Variants in SYT1 observed in about 807,000 individuals in gnomAD.
The protein encoded by SYT1 is synaptotagmin 1.
In SYT1, 8 loss-of-function variants were observed where a neutral mutation model predicts 44.8. The observed-to-expected ratio is 0.18, with a 90% CI of 0.10 to 0.32. The LOEUF is 0.32. SYT1 is among the 10% of genes least tolerant of loss of function. The pLI, the probability that SYT1 is intolerant of heterozygous loss-of-function variation, is 1.00. For missense variants in SYT1, 286 were observed against 509.3 expected, an observed-to-expected ratio of 0.56 and a Z score of 4.22; for synonymous variants, 154 against 188.8, an observed-to-expected ratio of 0.82 and a Z score of 1.51.
chr12:79,199,619 T>A (rs921175069), intron 3 of SYT1, among the ~76,000 whole-genome samples: 1 of 152,184 alleles, frequency 6.6e-6, no homozygotes, highest in Non-Finnish European at 1.5e-5. Flanking sequence ...CAAAGCCTGC[T>A]TCTGACACCA....
chr12:79,127,398 C>T (rs943871416), intron 3 of SYT1, among the ~76,000 whole-genome samples: 3 of 151,636 alleles, frequency 2.0e-5, no homozygotes, highest in Non-Finnish European at 3.0e-5. Context: ...GCAGTTCTTA[C>T]GAAACAGATT....
chr12:78,870,202 T>G (rs1873747402), intron 1 of SYT1, among the ~76,000 whole-genome samples: 1 of 152,082 alleles, frequency 6.6e-6, no homozygotes, highest in Non-Finnish European at 1.5e-5. Flanking sequence ...AGATACTAGC[T>G]TGCAACCATG....
chr12:79,178,995 G>GAT (rs1343168322), intron 3 of SYT1, among the ~76,000 whole-genome samples: 2 of 37,566 alleles, frequency 5.3e-5, no homozygotes, highest in Admixed American at 3.6e-4. Flanking sequence ...TATCTATATA[G>GAT]ATATAGATAT....
At chr12:78,957,473 T>C (rs1163446791) in intron 1 of SYT1, among the ~76,000 whole-genome samples, 2 of 152,190 alleles carry the variant, frequency 1.3e-5, no homozygotes, top group East Asian at 3.8e-4. Context: ...ATACTTACAT[T>C]ATTTCAACTA....
rs148491734 is a variant in SYT1, at chr12:79,345,113, C to T, written c.811-8389C>T. Among the ~76,000 whole-genome samples, 52 of 152,224 alleles carry T rather than the reference C, an allele frequency of 3.4e-4. No homozygotes were observed. In the East Asian group the frequency reaches 8.9e-3, roughly 26 times the overall value. ...CCTTCCTTATCTCAGCTCAGGTAAC[C>T]GCTCCTCCAGGACACCTATATGTCC... On this transcript the variant is annotated intron_variant, in intron 8 of 10. Coordinates refer to ENST00000261205, the MANE Select transcript of SYT1 (RefSeq NM_005639.3).
At chr12:78,973,060 A>G (rs892616583) in intron 1 of SYT1, among the ~76,000 whole-genome samples, 8 of 152,152 alleles carry the variant, frequency 5.3e-5, no homozygotes, top group Non-Finnish European at 1.2e-4. Flanking sequence ...GTTTTGCCCA[A>G]TCGGGTTTTA....
chr12:79,119,071 A>G (rs1879450885), intron 3 of SYT1, among the ~76,000 whole-genome samples: 1 of 151,962 alleles, frequency 6.6e-6, no homozygotes, highest in African/African-American at 2.4e-5. Flanking sequence ...CTTCTTCTCC[A>G]TTACCCCTAA....
At chr12:78,865,581 G>T (rs1873496707) in intron 1 of SYT1, among the ~76,000 whole-genome samples, 1 of 146,138 alleles carries the variant, frequency 6.8e-6, no homozygotes, top group Non-Finnish European at 1.5e-5. Context: ...GGGGGGGAAC[G>T]TAAACAAGAT....
At chr12:79,322,599 C>A (rs1188505750) in intron 8 of SYT1, among the ~76,000 whole-genome samples, 3 of 152,070 alleles carry the variant, frequency 2.0e-5, no homozygotes, top group Non-Finnish European at 2.9e-5. Flanking sequence ...GAACCCAGCC[C>A]CGTATTTCTG....
intron 3 of SYT1, among the ~76,000 whole-genome samples, chr12:79,188,637 A>C (rs1432058149): frequency 6.6e-6 from 1 of 152,112 alleles, no homozygotes; most frequent in East Asian, 1.9e-4. Context: ...TTCTAGCTTC[A>C]CATCTATTCA....
intron 3 of SYT1, among the ~76,000 whole-genome samples, chr12:79,198,208 G>A (rs1030920852): frequency 3.3e-5 from 5 of 151,996 alleles, no homozygotes; most frequent in Non-Finnish European, 5.9e-5. Context: ...ATTGTCTTTC[G>A]TGTTCTAATT....
chr12:79,088,561 C>T (rs1592737253), intron 3 of SYT1, among the ~76,000 whole-genome samples: 1 of 151,776 alleles, frequency 6.6e-6, no homozygotes, highest in African/African-American at 2.4e-5. Flanking sequence ...GGGAAAGGCA[C>T]AGATTACAGA....
chr12:79,176,880 C>T (rs977640443), intron 3 of SYT1, among the ~76,000 whole-genome samples: 8 of 151,890 alleles, frequency 5.3e-5, no homozygotes, highest in African/African-American at 1.9e-4. Context: ...GTAGTATCTC[C>T]TAAGAACAAA....
chr12:79,361,814 C>G (rs557217227), intron 9 of SYT1, among the ~76,000 whole-genome samples: 2 of 152,046 alleles, frequency 1.3e-5, no homozygotes, highest in South Asian at 2.1e-4. Flanking sequence ...AGAAGAGAGT[C>G]CAAGTTTAAG....
chr12:79,099,504 A>C (rs901287183), intron 3 of SYT1, among the ~76,000 whole-genome samples: 7 of 152,164 alleles, frequency 4.6e-5, no homozygotes, highest in Admixed American at 1.3e-4. Context: ...AGAACAGTGA[A>C]CAATTACTCA....
intron 9 of SYT1, among the ~76,000 whole-genome samples, chr12:79,384,130 A>G (rs1884333959): frequency 6.6e-6 from 1 of 152,152 alleles, no homozygotes; most frequent in South Asian, 2.1e-4. Flanking sequence ...AATTCTCCAC[A>G]TGCATCATGT....
chr12:79,283,110 G>A, intron 4 of SYT1, among the ~76,000 whole-genome samples: 1 of 152,070 alleles, frequency 6.6e-6, no homozygotes, highest in South Asian at 2.1e-4. Context: ...TTCTTTACAT[G>A]ATATATGACT....
rs79836084 is a variant in SYT1, at chr12:79,383,414, C to T, written c.928+29795C>T. Among the ~76,000 whole-genome samples, 345 of 152,230 alleles carry T rather than the reference C, an allele frequency of 2.3e-3. 7 individuals carry two copies. In the East Asian group the frequency reaches 0.059, roughly 26 times the overall value. ...CTTGACCAAAACATTCTTGTATTTC[C>T]ACTTCCTCCCTAACTATGAATATTT... On this transcript the variant is annotated intron_variant, in intron 9 of 10. Transcript: ENST00000261205.
chr12:79,207,028 C>A (rs569215442), intron 3 of SYT1, among the ~76,000 whole-genome samples: 1 of 152,154 alleles, frequency 6.6e-6, no homozygotes, highest in Non-Finnish European at 1.5e-5. Flanking sequence ...GCCTTAGTTT[C>A]TTCAAAGTTT....
Sources: allele counts gnomAD v4.1 joint callset (sites outside exome capture counted in the v4.1 genomes callset), GRCh38; gene constraint gnomAD v4.1.1; transcripts MANE v1.5; gene names NCBI Gene and HGNC (gene_info 2026-07-23, HGNC 2026-07-21).